Variants in PLXNA4 observed in about 807,000 individuals in gnomAD.
PLXNA4 encodes the protein plexin A4, also known as plexin-A4.
PLXNA4 carries 44 observed loss-of-function variants against 191.8 expected under a neutral mutation model. The ratio of observed to expected loss-of-function variants is 0.23; its 90% CI spans 0.18 to 0.29. The LOEUF is 0.29. Ranked by LOEUF, PLXNA4 falls within the 10% of genes least tolerant of loss-of-function variation. PLXNA4 has a pLI of 1.00. For missense variants in PLXNA4, 1,800 were observed against 2,488.8 expected (o/e 0.72, Z 5.89); for synonymous variants, 1,082 against 1,009.5 (o/e 1.07, Z -1.36).
chr7:132,265,309 T>G (rs1799807044), intron 4 of PLXNA4, among the ~76,000 whole-genome samples: 1 of 152,242 alleles, frequency 6.6e-6, no homozygotes, highest in African/African-American at 2.4e-5. Flanking sequence ...TCAAAAACAC[T>G]ATTTTGTTTA....
chr7:132,259,978 T>A (rs1008744086), intron 4 of PLXNA4, among the ~76,000 whole-genome samples: 1 of 152,094 alleles, frequency 6.6e-6, no homozygotes, highest in African/African-American at 2.4e-5. Context: ...CTCATACCTG[T>A]CAGAAAGGCT....
chr7:132,291,440 G>A (rs1800887688), intron 4 of PLXNA4, among the ~76,000 whole-genome samples: 2 of 152,162 alleles, frequency 1.3e-5, no homozygotes, highest in South Asian at 4.1e-4. Context: ...AGAATGTAAG[G>A]CCTATAAGGA....
At chr7:132,613,317 C>T (rs1803088504) in intron 2 of PLXNA4, among the ~76,000 whole-genome samples, 1 of 152,212 alleles carries the variant, frequency 6.6e-6, no homozygotes, top group South Asian at 2.1e-4. Context: ...TAAAAGGTCA[C>T]TGCCACCAAT....
intron 3 of PLXNA4, among the ~76,000 whole-genome samples, chr7:132,383,034 A>G (rs1369669138): frequency 6.6e-6 from 1 of 152,186 alleles, no homozygotes; most frequent in Non-Finnish European, 1.5e-5. Flanking sequence ...TCTTTAGTTC[A>G]AAGCAGGGTG....
chr7:132,384,273 C>T (rs959263303), intron 3 of PLXNA4: 1 of 985,318 alleles, frequency 1.0e-6, no homozygotes, highest in Non-Finnish European at 1.2e-6. Flanking sequence ...CACTTGTTTT[C>T]AAGTAACCAG....
intron 1 of PLXNA4, among the ~76,000 whole-genome samples, chr7:132,560,452 T>C (rs558586367): frequency 6.6e-6 from 1 of 152,248 alleles, no homozygotes; most frequent in South Asian, 2.1e-4. Context: ...ACTTGAAAAA[T>C]GCAAGAATCT....
chr7:132,314,578 T>A (rs966143896), intron 3 of PLXNA4, among the ~76,000 whole-genome samples: 46 of 151,828 alleles, frequency 3.0e-4, no homozygotes, highest in Admixed American at 3.0e-3. Context: ...AAGGAAAGGG[T>A]GGGAGAGCTG....
chr7:132,247,025 G>T (rs73157211), intron 4 of PLXNA4, among the ~76,000 whole-genome samples: 5 of 152,110 alleles, frequency 3.3e-5, no homozygotes, highest in Admixed American at 2.0e-4. Flanking sequence ...GGTCCTCCAT[G>T]GCAGCTGGAG....
chr7:132,366,461 C>A (rs1804189975), intron 3 of PLXNA4, among the ~76,000 whole-genome samples: 1 of 151,976 alleles, frequency 6.6e-6, no homozygotes, highest in Non-Finnish European at 1.5e-5. Flanking sequence ...GATGCGGAGG[C>A]TGCAGTGAGC....
intron 1 of PLXNA4, among the ~76,000 whole-genome samples, chr7:132,523,867 G>A (rs1164208732): frequency 6.6e-6 from 1 of 152,098 alleles, no homozygotes; most frequent in East Asian, 1.9e-4. Context: ...ACTGATATGG[G>A]GAAATCAGGG....
intron 1 of PLXNA4, among the ~76,000 whole-genome samples, chr7:132,558,441 A>G (rs960353132): frequency 6.6e-6 from 1 of 152,244 alleles, no homozygotes; most frequent in Non-Finnish European, 1.5e-5. Context: ...CACAAATCCT[A>G]GATGTAAATA....
chr7:132,563,495 TCTCCTC>T (rs1305050307), intron 1 of PLXNA4, among the ~76,000 whole-genome samples: 775 of 22,076 alleles, frequency 0.035, 36 homozygotes, highest in African/African-American at 0.11. Flanking sequence ...TCCTCCTCCT[TCTCCTC>T]CTCCTCCTCC....
rs200745791 is a variant in PLXNA4, at chr7:132,334,262, T to C, written c.1372-36040A>G. ...TTTCTTTCTTTCTTTCTTTTTTTTT[T>C]TTTTTTTTTTTTTGAGATAGGGTCT... On this transcript the variant is annotated intron_variant, in intron 3 of 31. Coordinates refer to ENST00000321063, the MANE Select transcript of PLXNA4 (RefSeq NM_020911.2). 2.7e-4 allele frequency among the ~76,000 whole-genome samples: 38 copies of C among 140,262 alleles called. No homozygotes were observed. In the East Asian group the frequency reaches 6.6e-3, roughly 24 times the overall value. 92.0% of individuals were successfully genotyped at this position (140,262 alleles called of 152,430 possible).
intron 4 of PLXNA4, among the ~76,000 whole-genome samples, chr7:132,295,771 G>A (rs892764807): frequency 5.3e-5 from 8 of 152,122 alleles, no homozygotes; most frequent in African/African-American, 1.9e-4. Flanking sequence ...CACGGCCAGT[G>A]TCTGGAAACT....
intron 10 of PLXNA4, among the ~76,000 whole-genome samples, chr7:132,207,626 A>G (rs1797669731): frequency 6.6e-6 from 1 of 152,270 alleles, no homozygotes; most frequent in Non-Finnish European, 1.5e-5. Flanking sequence ...CACCACCCCA[A>G]CCCAGTGTCA....
At chr7:132,494,661 C>G (rs1296609407) in intron 2 of PLXNA4, among the ~76,000 whole-genome samples, 1 of 152,198 alleles carries the variant, frequency 6.6e-6, no homozygotes, top group African/African-American at 2.4e-5. Context: ...TGGCGCTTCC[C>G]TCGTGCACCG....
chr7:132,178,003 C>T (rs1387294158), intron 20 of PLXNA4, among the ~76,000 whole-genome samples: 1 of 152,134 alleles, frequency 6.6e-6, no homozygotes, highest in Non-Finnish European at 1.5e-5. Flanking sequence ...TCAGATCCTC[C>T]CAGGATGAGT....
chr7:132,160,697 G>C (rs1476175486), intron 24 of PLXNA4, among the ~76,000 whole-genome samples: 2 of 152,110 alleles, frequency 1.3e-5, no homozygotes, highest in Admixed American at 6.5e-5. Flanking sequence ...AGAGCCCTCT[G>C]TGTGTCTCTC....
chr7:132,138,076 A>G (rs1407402197), intron 30 of PLXNA4, among the ~76,000 whole-genome samples: 6 of 152,186 alleles, frequency 3.9e-5, no homozygotes, highest in Non-Finnish European at 7.3e-5. Flanking sequence ...TGGCAGAATC[A>G]TCTATGCCAT....
Sources: allele counts gnomAD v4.1 joint callset (sites outside exome capture counted in the v4.1 genomes callset), GRCh38; gene constraint gnomAD v4.1.1; transcripts MANE v1.5; gene names NCBI Gene and HGNC (gene_info 2026-07-23, HGNC 2026-07-21).